The following MIB2 variants were observed in gnomAD, a reference collection of about 807,000 sequenced individuals.
The protein encoded by MIB2 is E3 ubiquitin-protein ligase MIB2.
A neutral mutation model predicts 96.6 loss-of-function variants in MIB2; 78 were observed. The ratio of observed to expected loss-of-function variants is 0.81; its 90% CI spans 0.67 to 0.97. The LOEUF (loss-of-function observed/expected upper bound fraction) is 0.97, where lower values mean the gene tolerates loss of function less well. Among genes scored for constraint, MIB2 ranks in the 50% least tolerant of loss-of-function variants. MIB2 has a pLI of 0.00. For synonymous variants in MIB2, 820 were observed against 629.5 expected (o/e 1.30, Z -4.53); for missense variants, 1,543 against 1,424.0 (o/e 1.08, Z -1.35).
At chr1:1,628,797 A>G (rs974902459) in intron 16 of MIB2, 75 bp downstream of exon 16, 4 of 1,247,992 alleles carry the variant, frequency 3.2e-6, no homozygotes, top group South Asian at 1.5e-5. Context: ...GGCCTGTGCC[A>G]CTGTCCACCT....
intron 4 of MIB2, chr1:1,624,228 T>C (rs1283823367): frequency 3.9e-6 from 2 of 507,116 alleles, no homozygotes; most frequent in South Asian, 2.7e-5. Context: ...TGGGCTGTCT[T>C]GGAGGCTGCT....
At chr1:1,630,104 C>T (rs966564311) in intron 19 of MIB2, among the ~76,000 whole-genome samples, 188 bp from the exon 20 acceptor site, 9 of 150,226 alleles carry the variant, frequency 6.0e-5, no homozygotes, top group East Asian at 2.0e-4. Context: ...GCCTGATTTC[C>T]ACGGCTCACC....
intron 2 of MIB2, chr1:1,617,318 G>A (rs1003143105): frequency 1.3e-5 from 2 of 152,304 alleles, no homozygotes; most frequent in African/African-American, 4.8e-5. Context: ...TAACTTTCTC[G>A]CTAAATAGGA....
intron 4 of MIB2, chr1:1,624,201 T>G: frequency 3.7e-6 from 2 of 535,076 alleles, no homozygotes; most frequent in East Asian, 3.1e-5. Context: ...GGACAGCCCA[T>G]ACCCGGAGCC....
At position 1,630,392 on chromosome 1, in the gene MIB2, C is replaced by G. The variant is rs1638682869; in HGVS notation, c.2730C>G (p.Thr910=). Residue 910 remains threonine (T), a synonymous_variant, in exon 20 of 20, where the codon ACC becomes ACG. Coordinates refer to ENST00000355826, the MANE Select transcript of MIB2 (RefSeq NM_001170687.4). ...ACCGGCAGATGGAGGAACGCATCAC[C>G]TGCCCCATCTGCATCGACAGCCACA... The part of the protein sequence containing the change: ...SRYRQMEERI[T]CPICIDSHIR... 1.3e-6 allele frequency: 2 copies of G among 1,565,452 alleles called. No individual in the cohort carries two copies. Among genetic ancestry groups the G allele is most frequent in the African/African-American group, 2.7e-5 (2 of 73,214 alleles).
rs938030816 is a variant in MIB2, at chr1:1,625,950, C to T, written c.972+297C>T. On this transcript the variant is annotated intron_variant, in intron 8 of 19. Coordinates refer to ENST00000355826, the MANE Select transcript of MIB2 (RefSeq NM_001170687.4). The surrounding 1 kb of genome is among the most constrained non-coding windows in gnomAD (Gnocchi z 5.0). ...GACAGCTTCGTGGGCGGGAGGGAGG[C>T]GGCTGGGCTAAGATGCTCCTGGTTA... is the stretch of plus-strand genomic sequence containing the variant. 25 of 480,710 alleles carry T rather than the reference C, an allele frequency of 5.2e-5. No individual in the cohort carries two copies. The highest frequency in any genetic ancestry group is 4.6e-4 in the South Asian group (17 of 36,750). The allele number at this position is 480,710 out of a possible 1,614,324, so 29.8% of individuals were successfully genotyped here.
Position 1,630,331 on chromosome 1 carries a change from C to G in MIB2, c.2669C>G (p.Pro890Arg). 6.5e-7 allele frequency: 1 copy of G among 1,534,588 alleles called. No individual in the cohort carries two copies. Among genetic ancestry groups the G allele is most frequent in the Non-Finnish European group, 8.7e-7 (1 of 1,143,882 alleles). The part of the protein sequence containing the change: ...EVASAAPAPG[P>R]PRQLVEELQS... ...GCGAGCGCCGCCCCCGCCCCCGGCC[C>G]GCCGCGCCAGCTGGTGGAGGAGCTG... Residue 890 changes from proline to arginine, a missense_variant, in exon 20 of 20, where the codon CCG becomes CGG. By Grantham distance (103) the Pro-to-Arg change is moderately radical (BLOSUM62 -2). Transcript: ENST00000355826.
At chr1:1,627,988 C>T in intron 13 of MIB2, 31 bp from the exon 14 acceptor site, 2 of 1,610,956 alleles carry the variant, frequency 1.2e-6, no homozygotes, top group East Asian at 2.2e-5. Context: ...CAGAAGTCAC[C>T]CCCAGGTGAC....
Position 1,629,572 on chromosome 1 carries a change from T to TGGGGGGCCCCGGGGTG in MIB2, c.2563+10_2563+25dup. On this transcript the variant is annotated splice_region_variant and intron_variant, in intron 18 of 19. Coordinates refer to ENST00000355826, the MANE Select transcript of MIB2 (RefSeq NM_001170687.4). ...GCACCGCACCGTGTGTGAGGGTGAGTGGGGGGCCCCGGGGTGGGGAGGCCC... is the reference window on the plus strand; with the variant it reads ...GCACCGCACCGTGTGTGAGGGTGAGTGGGGGGCCCCGGGGTGGGGGGGCCCCGGGGTGGGGAGGCCC... 1 of 1,555,292 alleles carries TGGGGGGCCCCGGGGTG rather than the reference T, an allele frequency of 6.4e-7. No individual in the cohort carries two copies.
chr1:1,629,800 G>T, intron 19 of MIB2, 96 bp downstream of exon 19: 2 of 1,278,766 alleles, frequency 1.6e-6, no homozygotes, highest in Non-Finnish European at 2.1e-6. Flanking sequence ...TTCCGCCCAT[G>T]GCCCTTCCCC....
At position 1,629,182 on chromosome 1, in the gene MIB2, C is replaced by T; in HGVS notation, c.2252C>T (p.Ala751Val). The T allele has an allele frequency of 6.6e-7, 1 of 1,508,140 alleles. No individual in the cohort carries two copies. The highest frequency in any genetic ancestry group is 8.8e-7 in the Non-Finnish European group (1 of 1,136,416). 93.4% of individuals were successfully genotyped at this position (1,508,140 alleles called of 1,614,324 possible). ...PGSAELTVGA[A>V]VACFLALEGA... The stretch of plus-strand genomic sequence containing the variant: ...AGCGCGGAGCTGACGGTGGGCGCGG[C>T]GGTCGCCTGCTTCCTGGCGCTGGAG... The change falls in exon 17 of 20, where the codon GCG becomes GTG. Residue 751 changes from alanine to valine, a missense_variant. Ala to Val is a moderately conservative substitution (Grantham distance 64). Coordinates refer to ENST00000355826, the MANE Select transcript of MIB2 (RefSeq NM_001170687.4).
At chr1:1,621,674 G>A (rs953658836) in intron 2 of MIB2, among the ~76,000 whole-genome samples, 1 of 152,246 alleles carries the variant, frequency 6.6e-6, no homozygotes, top group Non-Finnish European at 1.5e-5. Context: ...ACCCATTCCT[G>A]TGGAAGCTCT....
rs969620500 is a variant in MIB2 at position 1,622,036 on chromosome 1, G to A, written c.-22-1395G>A. Among the ~76,000 whole-genome samples the A allele has an allele frequency of 5.3e-5, 8 of 152,376 alleles. No individual in the cohort carries two copies. In the South Asian group the frequency reaches 8.3e-4, roughly 16 times the overall value. ...GGCCTGAGATGCAAAGCACTGGGTT[G>A]CAGTGCTGCCCAGGTGGAGGGCTGG... On this transcript the variant is annotated intron_variant, in intron 2 of 19. Coordinates refer to ENST00000355826, the MANE Select transcript of MIB2 (RefSeq NM_001170687.4).
At chr1:1,615,454 G>C (rs1643500029), upstream of MIB2, 1 of 1,513,258 alleles carries the variant, frequency 6.6e-7, no homozygotes, top group Non-Finnish European at 8.8e-7. Flanking sequence ...TGGCGGGGGC[G>C]TGGCCATGGC....
At position 1,627,191 on chromosome 1, in the gene MIB2, G is replaced by A. The variant is rs775034527; in HGVS notation, c.1358G>A (p.Arg453Gln). ...GNAARALDLL[R>Q]RRPEQVDTKN... ...GCAGCCCGGGCTCTGGACCTGCTGC[G>A]GAGGCGCCCAGAGCAGGCAAGCTCC... Residue 453 changes from arginine to glutamine, a missense_variant, in exon 11 of 20, where the codon CGG (arginine) becomes CAG (glutamine). Arg to Gln is a conservative substitution (Grantham distance 43, BLOSUM62 1). Transcript: ENST00000355826. 6.0e-5 allele frequency: 96 copies of A among 1,599,114 alleles called. No individual in the cohort carries two copies. The highest frequency in any genetic ancestry group is 1.2e-4 in the Admixed American group (7 of 57,352).
rs1553150914 is a variant in MIB2 at position 1,628,317 on chromosome 1, C to CCAAGAAGGAGGACGG, written c.1888_1902dup (p.Lys630_Gly634dup). The stretch of plus-strand genomic sequence containing the variant: ...GCTCGGGCGCGGCAGCTGGTGGACG[C>CCAAGAAGGAGGACGG]CAAGAAGGAGGACGGCTTCACGGCG... On this transcript the variant is annotated inframe_insertion, in exon 15 of 20. Coordinates refer to ENST00000355826, the MANE Select transcript of MIB2 (RefSeq NM_001170687.4). 6.2e-7 allele frequency: 1 copy of CCAAGAAGGAGGACGG among 1,612,782 alleles called. No individual in the cohort carries two copies. The highest frequency in any genetic ancestry group is 2.2e-5 in the East Asian group (1 of 44,892).
At chr1:1,616,288 C>T (rs1347190013) in intron 1 of MIB2, 6 of 409,110 alleles carry the variant, frequency 1.5e-5, no homozygotes, top group African/African-American at 2.1e-5. Flanking sequence ...CTGCGAGCCG[C>T]GGCCGCCAGA....
Position 1,630,458 on chromosome 1 carries a change from C to G in MIB2, c.2796C>G (p.Pro932=). 1 of 1,593,996 alleles carries G rather than the reference C, an allele frequency of 6.3e-7. No individual in the cohort carries two copies. Among genetic ancestry groups the G allele is most frequent in the Non-Finnish European group, 8.5e-7 (1 of 1,173,618 alleles). Residue 932 remains proline, a synonymous_variant, in exon 20 of 20, where the codon CCC becomes CCG. Coordinates refer to ENST00000355826, the MANE Select transcript of MIB2 (RefSeq NM_001170687.4). Reference sequence around the variant, plus strand: ...AGTGCGGCCACGGCGCATGCGCCCCCTGCGGCTCCGCGCTCAGCGCCTGCC... The same window carrying G: ...AGTGCGGCCACGGCGCATGCGCCCCGTGCGGCTCCGCGCTCAGCGCCTGCC... ...VFQCGHGACA[P]CGSALSACPI...
Position 1,626,147 on chromosome 1 carries a change from AAGCGTCAG to A in MIB2, c.972+498_973-492del, listed in dbSNP as rs940066972. On this transcript the variant is annotated intron_variant, in intron 8 of 19. Transcript: ENST00000355826. The surrounding 1 kb of genome is among the most constrained non-coding windows in gnomAD (Gnocchi z 5.3). The stretch of plus-strand genomic sequence containing the variant: ...CCCTGGGAGGGGCAGGCCCGGGGCA[AAGCGTCAG>A]AGCTCAGCTCTGGATCTGGGGTCCT... 4 of 195,346 alleles carry A rather than the reference AAGCGTCAG, an allele frequency of 2.0e-5. No homozygotes were observed. The highest frequency in any genetic ancestry group is 2.3e-4 in the South Asian group (2 of 8,774). The allele number at this position is 195,346 out of a possible 1,614,324, so 12.1% of individuals were successfully genotyped here.
Sources: gnomAD v4.1 joint callset for allele counts (sites outside exome capture counted in the v4.1 genomes callset) on GRCh38, gnomAD v4.1.1 for gene constraint, Gnocchi (gnomAD v3.1) non-coding constraint, MANE v1.5 for transcripts, NCBI Gene and HGNC (gene_info 2026-07-23, HGNC 2026-07-21) for gene names.